The following SYT9 variants were observed in gnomAD, a reference collection of about 807,000 sequenced individuals.
SYT9 encodes synaptotagmin-9.
SYT9 carries 22 observed loss-of-function variants against 48.4 expected under a neutral mutation model. The observed-to-expected ratio is 0.45, with a 90% CI of 0.32 to 0.65. The LOEUF (loss-of-function observed/expected upper bound fraction) is 0.65. SYT9 is among the 30% of genes least tolerant of loss of function. The pLI, the probability that SYT9 is intolerant of heterozygous loss-of-function variation, is 0.03. For synonymous variants in SYT9, 265 were observed against 245.0 expected, an observed-to-expected ratio of 1.08 and a Z score of -0.76; for missense variants, 577 against 622.0, an observed-to-expected ratio of 0.93 and a Z score of 0.77.
At chr11:7,397,996 C>T (rs1846789542) in intron 3 of SYT9, among the ~76,000 whole-genome samples, 1 of 152,138 alleles carries the variant, frequency 6.6e-6, no homozygotes, top group South Asian at 2.1e-4. Context: ...ACTGAAACTT[C>T]CAGTACAATA....
intron 3 of SYT9, among the ~76,000 whole-genome samples, chr11:7,387,535 G>A (rs1054695788): frequency 6.6e-6 from 1 of 152,050 alleles, no homozygotes; most frequent in Non-Finnish European, 1.5e-5. Flanking sequence ...TGAATTCTTT[G>A]TGCCAAAACT....
intron 1 of SYT9, among the ~76,000 whole-genome samples, chr11:7,272,683 T>G (rs1848319290): frequency 6.6e-6 from 1 of 152,032 alleles, no homozygotes; most frequent in Admixed American, 6.6e-5. Context: ...TGAAACTCAG[T>G]GCAATAAGGG....
At chr11:7,372,284 T>A (rs964851586) in intron 3 of SYT9, among the ~76,000 whole-genome samples, 2 of 152,102 alleles carry the variant, frequency 1.3e-5, no homozygotes, top group African/African-American at 4.8e-5. Flanking sequence ...TATGTGGGGT[T>A]TTTTTGCTCA....
chr11:7,375,817 G>C (rs778553874), intron 3 of SYT9, among the ~76,000 whole-genome samples: 5 of 152,084 alleles, frequency 3.3e-5, no homozygotes, highest in Non-Finnish European at 7.4e-5. Flanking sequence ...TTTTGGGGCT[G>C]AGATGATGGG....
intron 1 of SYT9, among the ~76,000 whole-genome samples, chr11:7,260,775 G>T (rs1199977517): frequency 6.6e-6 from 1 of 152,310 alleles, no homozygotes; most frequent in Non-Finnish European, 1.5e-5. Flanking sequence ...ATATCACCCT[G>T]AAACCCAACT....
chr11:7,424,962 A>T (rs1158185214), intron 6 of SYT9, among the ~76,000 whole-genome samples: 5 of 152,184 alleles, frequency 3.3e-5, no homozygotes, highest in Admixed American at 3.3e-4. Context: ...CAGAGCCCTC[A>T]TTTATCACCC....
At chr11:7,342,894 C>A (rs1292041392) in intron 3 of SYT9, among the ~76,000 whole-genome samples, 1 of 152,226 alleles carries the variant, frequency 6.6e-6, no homozygotes, top group African/African-American at 2.4e-5. Context: ...AATCTCAATT[C>A]TTTACTTCTG....
chr11:7,459,218 G>C (rs997816184), intron 6 of SYT9, among the ~76,000 whole-genome samples: 38 of 152,196 alleles, frequency 2.5e-4, no homozygotes, highest in Non-Finnish European at 4.3e-4. Context: ...TCAGGAGTTA[G>C]ACCTAATAGG....
rs1288421630 is a variant in SYT9, at chr11:7,416,175, C to A, written c.1165+13C>A. 6.2e-7 allele frequency: 1 copy of A among 1,613,948 alleles called. No homozygotes were observed. The highest frequency in any genetic ancestry group is 1.3e-5 in the African/African-American group (1 of 75,036). On this transcript the variant is annotated intron_variant, in intron 4 of 6. Transcript: ENST00000318881. ...ACAGGAGCATCAGGTGGGGCATTTTCAAATTCAGACTTCCTCATGCACTTC... is the reference window on the plus strand; with the variant it reads ...ACAGGAGCATCAGGTGGGGCATTTTAAAATTCAGACTTCCTCATGCACTTC...
intron 1 of SYT9, among the ~76,000 whole-genome samples, chr11:7,264,260 G>A (rs1848132178): frequency 6.6e-6 from 1 of 152,094 alleles, no homozygotes; most frequent in Non-Finnish European, 1.5e-5. Flanking sequence ...AAATGGATTA[G>A]GGAAGGAAGT....
intron 3 of SYT9, among the ~76,000 whole-genome samples, chr11:7,372,365 T>G (rs934041574): frequency 1.3e-5 from 2 of 152,158 alleles, no homozygotes; most frequent in African/African-American, 4.8e-5. Context: ...CAGGCTGAAG[T>G]GCAGTGGCAC....
chr11:7,386,601 C>T (rs1287538983), intron 3 of SYT9, among the ~76,000 whole-genome samples: 1 of 152,134 alleles, frequency 6.6e-6, no homozygotes, highest in Non-Finnish European at 1.5e-5. Flanking sequence ...CTATGAGATA[C>T]CAGCTCACAC....
chr11:7,380,475 T>C (rs1219909388), intron 3 of SYT9, among the ~76,000 whole-genome samples: 2 of 152,118 alleles, frequency 1.3e-5, no homozygotes, highest in Non-Finnish European at 2.9e-5. Context: ...GATACCTTAT[T>C]TGAGGGGATG....
chr11:7,418,220 G>C, intron 5 of SYT9, 92 bp downstream of exon 5: 1 of 1,412,896 alleles, frequency 7.1e-7, no homozygotes, highest in South Asian at 1.3e-5. Context: ...TTCTTACCTG[G>C]TGTCCCAGGC....
At chr11:7,345,987 G>A (rs965551688) in intron 3 of SYT9, among the ~76,000 whole-genome samples, 3 of 152,214 alleles carry the variant, frequency 2.0e-5, no homozygotes, top group African/African-American at 7.2e-5. Context: ...ACCAAGAGTG[G>A]TCAGAGTCAC....
chr11:7,450,584 T>C (rs1173817694), intron 6 of SYT9: 1 of 152,188 alleles, frequency 6.6e-6, no homozygotes, highest in African/African-American at 2.4e-5. Flanking sequence ...GCTGACAAAA[T>C]ACAGATTTAA....
upstream of SYT9, among the ~76,000 whole-genome samples, chr11:7,250,307 A>G (rs1455833366): frequency 6.6e-6 from 1 of 152,128 alleles, no homozygotes; most frequent in Non-Finnish European, 1.5e-5. Flanking sequence ...TTAGGCCTTC[A>G]TCATCTCTTG....
chr11:7,449,584 G>A (rs1450432500), intron 6 of SYT9, among the ~76,000 whole-genome samples: 1 of 152,074 alleles, frequency 6.6e-6, no homozygotes, highest in East Asian at 1.9e-4. Flanking sequence ...AGTGGGGGCT[G>A]GTTTGGAGAA....
chr11:7,268,314 T>C (rs1848229126), intron 1 of SYT9, among the ~76,000 whole-genome samples: 1 of 151,942 alleles, frequency 6.6e-6, no homozygotes, highest in Non-Finnish European at 1.5e-5. Flanking sequence ...AATTATCAAA[T>C]TGTCCTCTAG....
Sources: gnomAD v4.1 joint callset for allele counts (sites outside exome capture counted in the v4.1 genomes callset) on GRCh38, gnomAD v4.1.1 for gene constraint, MANE v1.5 for transcripts, NCBI Gene and HGNC (gene_info 2026-07-23, HGNC 2026-07-21) for gene names.